Variants in NLRP1 observed in about 807,000 individuals in gnomAD.
NLRP1 encodes the protein NLR family pyrin domain containing 1.
NLRP1 carries 94 observed loss-of-function variants against 136.7 expected under a neutral mutation model. The observed-to-expected ratio is 0.69, with a 90% CI of 0.58 to 0.82. The LOEUF is 0.82. Ranked by LOEUF, NLRP1 falls within the 40% of genes least tolerant of loss-of-function variation. NLRP1 has a pLI of 0.00. For synonymous variants in NLRP1, 690 were observed against 725.1 expected (o/e 0.95, Z 0.78); for missense variants, 1,575 against 1,802.7 (o/e 0.87, Z 2.29).
rs1291032953 is a variant in NLRP1, at chr17:5,558,373, G to A, written c.2323C>T (p.His775Tyr). Residue 775 changes from histidine (H) to tyrosine (Y), a missense_variant, in exon 4 of 17, where the codon CAC becomes TAC. By Grantham distance (83) the His-to-Tyr change is moderately conservative. Transcript: ENST00000572272. ...KKLQLIEGRQ[H>Y]RSTWSPTMVV... is the part of the protein sequence containing the mutation. ...ATGGTGGGGCTCCATGTTGATCTGT[G>A]CTGCCTGCCCTCAATCAGCTGAAGC... is the stretch of plus-strand genomic sequence containing the variant. 1 of 1,613,282 alleles carries A rather than the reference G, an allele frequency of 6.2e-7. No homozygotes were observed. The highest frequency in any genetic ancestry group is 2.2e-5 in the East Asian group (1 of 44,876).
At chr17:5,578,946 T>C (rs1186505284) in intron 3 of NLRP1, among the ~76,000 whole-genome samples, 2 of 152,072 alleles carry the variant, frequency 1.3e-5, no homozygotes, top group Non-Finnish European at 2.9e-5. Context: ...AAAGGATGAG[T>C]TCATGTCCTT....
chr17:5,536,852 G>A lies in NLRP1; in HGVS notation c.2959C>T (p.Arg987Trp), dbSNP rs199748129. 72 of 1,609,330 alleles carry A rather than the reference G, an allele frequency of 4.5e-5. No homozygotes were observed. Among genetic ancestry groups the A allele is most frequent in the South Asian group, 8.8e-5 (8 of 90,940 alleles). The change falls in exon 8 of 17, where the codon CGG becomes TGG. Residue 987 changes from arginine (R) to tryptophan (W), a missense_variant and splice_region_variant. Transcript: ENST00000572272. ...EKPQLLIFSR[R>W]KPSVMTPTEG... The stretch of plus-strand genomic sequence containing the variant: ...AGGGAGTTCTGGGTCCCCCCTTACC[G>A]TCTGCTGAAGATGAGCAGCTGAGGT...
chr17:5,543,944 G>A (rs1181180637), intron 5 of NLRP1, among the ~76,000 whole-genome samples: 1 of 152,174 alleles, frequency 6.6e-6, no homozygotes, highest in Non-Finnish European at 1.5e-5. Flanking sequence ...AGAAGGACCC[G>A]GAACTGGCAG....
At chr17:5,517,983 G>A in intron 14 of NLRP1, 96 bp from the exon 15 acceptor site, 3 of 1,191,930 alleles carry the variant, frequency 2.5e-6, no homozygotes, top group South Asian at 1.3e-5. Flanking sequence ...GCTCCATAAG[G>A]ACACTCTGAT....
chr17:5,547,456 C>G (rs968711309), intron 5 of NLRP1, among the ~76,000 whole-genome samples: 1 of 152,222 alleles, frequency 6.6e-6, no homozygotes, highest in African/African-American at 2.4e-5. Flanking sequence ...GTGTGTCTGG[C>G]TCCAGGGAAT....
intron 12 of NLRP1, among the ~76,000 whole-genome samples, chr17:5,523,572 T>G (rs1433310392): frequency 6.6e-6 from 1 of 152,208 alleles, no homozygotes; most frequent in Non-Finnish European, 1.5e-5. Flanking sequence ...ATTGGTACCT[T>G]TGATTGCAGT....
chr17:5,577,282 GAAAT>G (rs1905119539), intron 3 of NLRP1, among the ~76,000 whole-genome samples: 1 of 152,182 alleles, frequency 6.6e-6, no homozygotes, highest in African/African-American at 2.4e-5. Flanking sequence ...GCAGGAGAAA[GAAAT>G]AAAGCGTATT....
intron 5 of NLRP1, among the ~76,000 whole-genome samples, chr17:5,549,469 A>G (rs1304993081): frequency 6.6e-6 from 1 of 151,858 alleles, no homozygotes; most frequent in Non-Finnish European, 1.5e-5. Flanking sequence ...TGGTAGAGAC[A>G]GGGTTTTGCC....
chr17:5,529,497 A>T (rs559303632), intron 12 of NLRP1, among the ~76,000 whole-genome samples: 30 of 151,662 alleles, frequency 2.0e-4, no homozygotes, highest in South Asian at 1.9e-3. Flanking sequence ...CCTTCCGAGT[A>T]GCTGGGACTA....
intron 14 of NLRP1, among the ~76,000 whole-genome samples, chr17:5,519,244 C>T (rs1482288719): frequency 1.2e-4 from 18 of 152,086 alleles, no homozygotes; most frequent in South Asian, 2.1e-4. Flanking sequence ...CCTTGTGATC[C>T]GCCCGCCTCA....
intron 14 of NLRP1, among the ~76,000 whole-genome samples, chr17:5,520,521 C>T (rs1359300729): frequency 6.6e-6 from 1 of 152,144 alleles, no homozygotes; most frequent in Non-Finnish European, 1.5e-5. Context: ...ACTGAGACAC[C>T]CCATGGTTCC....
At chr17:5,516,698 A>G (rs762734760) in intron 15 of NLRP1, among the ~76,000 whole-genome samples, 3 of 152,200 alleles carry the variant, frequency 2.0e-5, no homozygotes, top group Non-Finnish European at 4.4e-5. Flanking sequence ...GAATTAAGTA[A>G]TTTTCCCAAG....
downstream of NLRP1, among the ~76,000 whole-genome samples, chr17:5,511,704 G>A (rs961431064): frequency 1.3e-5 from 2 of 152,068 alleles, no homozygotes; most frequent in Non-Finnish European, 2.9e-5. Flanking sequence ...GGTTGGCGGA[G>A]CCCCTCCTCG....
In NLRP1 at chr17:5,514,227, A is replaced by G. The variant is rs1319936109; in HGVS notation, c.*527T>C. ...AATTTATAGGGGTTTTCTGGTAAAA[A>G]CTGGAAAGCCTGCTAGACAAATTCT... is the stretch of plus-strand genomic sequence containing the variant. On this transcript the variant is annotated 3_prime_UTR_variant, in exon 17 of 17. Transcript: ENST00000572272. 5.4e-6 allele frequency: 1 copy of G among 184,740 alleles called. No homozygotes were observed. Among genetic ancestry groups the G allele is most frequent in the African/African-American group, 2.4e-5 (1 of 41,994 alleles). 11.4% of individuals were successfully genotyped at this position (184,740 alleles called of 1,614,324 possible). A position where few individuals can be genotyped will look rare whatever the true frequency, so the allele number is the denominator to read the frequency against.
chr17:5,532,733 A>AG, intron 11 of NLRP1, 89 bp downstream of exon 11: 2 of 1,171,630 alleles, frequency 1.7e-6, no homozygotes, highest in South Asian at 3.5e-5. Flanking sequence ...AGTTGGGGGT[A>AG]GGGGGTGGCG....
rs148064594 is a variant in NLRP1 at position 5,508,195 on chromosome 17, G to A, written c.4070-6323C>T. Among the ~76,000 whole-genome samples the A allele has an allele frequency of 5.3e-3, 812 of 152,130 alleles. 13 individuals are homozygous for A. Among genetic ancestry groups the A allele is most frequent in the African/African-American group, 0.019 (769 of 41,490 alleles). On this transcript the variant is annotated intron_variant, in intron 15 of 15. Transcript: ENST00000262467. The stretch of plus-strand genomic sequence containing the variant: ...CACCTGTAATCCCAGCTACTGAGAT[G>A]GCTGAGGCAGGAGAATCACTTGAAC...
downstream of NLRP1, chr17:5,514,083 A>G (rs1021791307): frequency 6.6e-6 from 1 of 152,216 alleles, no homozygotes; most frequent in East Asian, 1.9e-4. Context: ...CCACAAAAAT[A>G]GCCAACCAGC....
chr17:5,542,046 C>G lies in NLRP1; in HGVS notation c.2529-19G>C, dbSNP rs1911932430. 1.2e-6 allele frequency: 2 copies of G among 1,607,412 alleles called. No homozygotes were observed. Among genetic ancestry groups the G allele is most frequent in the African/African-American group, 2.7e-5 (2 of 74,794 alleles). On this transcript the variant is annotated intron_variant, in intron 5 of 16. Coordinates refer to ENST00000572272, the MANE Select transcript of NLRP1 (RefSeq NM_033004.4). ...AGCCAACCTGTGGAAGACACACACC[C>G]ATGGTCTTCAGGTTACTCACCTGTT... is the stretch of plus-strand genomic sequence containing the variant.
intron 12 of NLRP1, among the ~76,000 whole-genome samples, chr17:5,526,785 G>T (rs943421664): frequency 9.2e-5 from 14 of 152,212 alleles, no homozygotes; most frequent in African/African-American, 3.4e-4. Context: ...TTCATTTTGT[G>T]CTGGGCCCTA....
Sources: gnomAD v4.1 joint callset for allele counts (sites outside exome capture counted in the v4.1 genomes callset) on GRCh38, gnomAD v4.1.1 for gene constraint, MANE v1.5 for transcripts, NCBI Gene and HGNC (gene_info 2026-07-23, HGNC 2026-07-21) for gene names.